PANK4: variants seen among roughly 807,000 people sequenced by gnomAD.
PANK4 encodes 4'-phosphopantetheine phosphatase.
Under a neutral mutation model 87.9 loss-of-function variants are expected in PANK4, and 40 were observed. The observed-to-expected ratio is 0.46, with a 90% confidence interval of 0.35 to 0.59. The LOEUF (loss-of-function observed/expected upper bound fraction) is 0.59, where lower values mean the gene tolerates loss of function less well. Among genes scored for constraint, PANK4 ranks in the 20% least tolerant of loss-of-function variants. The pLI, the probability that PANK4 is intolerant of heterozygous loss-of-function variation, is 0.00. For missense variants in PANK4, 926 were observed against 1,072.3 expected, an observed-to-expected ratio of 0.86 and a Z score of 1.90; for synonymous variants, 524 against 467.4, an observed-to-expected ratio of 1.12 and a Z score of -1.56.
rs891661782 is a variant in PANK4 at position 2,513,141 on chromosome 1, C to T, written c.1576-102G>A. The T allele has an allele frequency of 1.5e-5, 20 of 1,326,472 alleles. No individual in the cohort carries two copies. The South Asian group carries it at 1.7e-4, about 11-fold the overall frequency. 82.2% of individuals were successfully genotyped at this position (1,326,472 alleles called of 1,614,324 possible). ...TGTTCCATACCACGCCCCTCAGGAT[C>T]GAAGACTCAGGCCCAACTGGGACCC... On this transcript the variant is annotated intron_variant, in intron 12 of 18. Coordinates refer to ENST00000378466, the MANE Select transcript of PANK4 (RefSeq NM_018216.4).
chr1:2,510,041 GC>G lies in PANK4; in HGVS notation c.2039+15del. The G allele has an allele frequency of 6.3e-7, 1 of 1,595,572 alleles. No homozygotes were observed. The highest frequency in any genetic ancestry group is 8.6e-7 in the Non-Finnish European group (1 of 1,168,046). ...TCCCCATCAAGGCCCCCCCAGCACT[GC>G]CCGCCAACACTCACTGCACGACAGG... On this transcript the variant is annotated intron_variant, in intron 17 of 18. Transcript: ENST00000378466. The surrounding 1 kb of genome is among the most constrained non-coding windows in gnomAD (Gnocchi z 4.9).
Position 2,508,938 on chromosome 1 carries a change from T to C in PANK4, c.2231A>G (p.Lys744Arg). The change falls in exon 19 of 19, where the codon AAG (lysine) becomes AGG (arginine). Residue 744 changes from lysine to arginine, a missense_variant. Lys to Arg is a conservative substitution (Grantham distance 26). Coordinates refer to ENST00000378466, the MANE Select transcript of PANK4 (RefSeq NM_018216.4). This position sits in a 1 kb window ranked among gnomAD's most constrained non-coding sequence, Gnocchi z 5.1. ...CCACGCGTTCTTGATGACGGCCAGC[T>C]TGAGGCTCTCGCAGCGCAGGGCTGC... ...YHAALRCESL[K>R]LAVIKNAWLA... 6.2e-7 allele frequency: 1 copy of C among 1,610,752 alleles called. No homozygotes were observed.
rs947591055 is a variant in PANK4, at chr1:2,519,485, G to A, written c.854-161C>T. 2.6e-5 allele frequency among the ~76,000 whole-genome samples: 4 copies of A among 151,476 alleles called. No homozygotes were observed. Among genetic ancestry groups the A allele is most frequent in the Non-Finnish European group, 5.9e-5 (4 of 67,882 alleles). On this transcript the variant is annotated intron_variant, in intron 6 of 18. Transcript: ENST00000378466. The surrounding 1 kb of genome is among the most constrained non-coding windows in gnomAD (Gnocchi z 8.3). ...GAGAGAGCTGAGTGGGGGAACTGGA[G>A]CCCAAGTGCGGGAGGCTGCGTGTGA...
chr1:2,521,579 G>A lies in PANK4; in HGVS notation c.207+139C>T, dbSNP rs751809948. Reference sequence around the variant, plus strand: ...TGAAGGGACACGGCGGAAGGCAGGGGAGGCTGTCCCTGCTAGAAACTCCCA... The same window carrying A: ...TGAAGGGACACGGCGGAAGGCAGGGAAGGCTGTCCCTGCTAGAAACTCCCA... On this transcript the variant is annotated intron_variant, in intron 2 of 18. Transcript: ENST00000378466. 1.6e-4 allele frequency: 126 copies of A among 796,296 alleles called. 2 individuals carry two copies. In the Admixed American group the frequency reaches 2.1e-3, roughly 13 times the overall value. 49.3% of individuals were successfully genotyped at this position (796,296 alleles called of 1,614,324 possible). A position where few individuals can be genotyped will look rare whatever the true frequency, so the allele number is the denominator to read the frequency against.
At chr1:2,517,633 T>A (rs1343999356) in intron 9 of PANK4, among the ~76,000 whole-genome samples, 1 of 151,964 alleles carries the variant, frequency 6.6e-6, no homozygotes, top group Non-Finnish European at 1.5e-5. Flanking sequence ...AGACATGGGG[T>A]GCGTCTCCTA....
chr1:2,512,347 G>A (rs1210859912), intron 13 of PANK4: 2 of 153,926 alleles, frequency 1.3e-5, no homozygotes. Flanking sequence ...AAAAAGCAGG[G>A]ACCACGAGAG....
At chr1:2,518,708 G>GAGGC (rs1241801821) in intron 7 of PANK4, 111 bp from the exon 8 acceptor site, 1 of 876,146 alleles carries the variant, frequency 1.1e-6, no homozygotes, top group Non-Finnish European at 1.8e-6. Context: ...AACCCTCGAA[G>GAGGC]AGGCGCCATG....
Position 2,510,072 on chromosome 1 carries a change from A to G in PANK4, c.2024T>C (p.Met675Thr), listed in dbSNP as rs763508124. The G allele has an allele frequency of 1.9e-6, 3 of 1,610,128 alleles. No homozygotes were observed. Among genetic ancestry groups the G allele is most frequent in the Non-Finnish European group, 1.7e-6 (2 of 1,178,672 alleles). Residue 675 changes from methionine (M) to threonine (T), a missense_variant, in exon 17 of 19, where the codon ATG becomes ACG. Physicochemically the swap from Met to Thr is moderately conservative, Grantham distance 81. Coordinates refer to ENST00000378466, the MANE Select transcript of PANK4 (RefSeq NM_018216.4). The surrounding 1 kb of genome is among the most constrained non-coding windows in gnomAD (Gnocchi z 4.9). ...SLIVAERIAG[M>T]DPVVHSALQE... The stretch of plus-strand genomic sequence containing the variant: ...CAACACTCACTGCACGACAGGGTCC[A>G]TGCCCGCAATACGCTCTGCCACGAT...
At chr1:2,517,077 T>C (rs1194348633) in intron 9 of PANK4, among the ~76,000 whole-genome samples, 1 of 152,142 alleles carries the variant, frequency 6.6e-6, no homozygotes, top group African/African-American at 2.4e-5. Flanking sequence ...ATTTGGCAAA[T>C]TATGCACACT....
At chr1:2,513,206 G>A (rs959598941) in intron 12 of PANK4, among the ~76,000 whole-genome samples, 167 bp from the exon 13 acceptor site, 3 of 152,228 alleles carry the variant, frequency 2.0e-5, no homozygotes, top group African/African-American at 7.2e-5. Flanking sequence ...AGTGGCCAGC[G>A]CACAGCTGCA....
chr1:2,509,110 C>A lies in PANK4; in HGVS notation c.2109-50G>T. 1.4e-6 allele frequency: 2 copies of A among 1,438,974 alleles called. No individual in the cohort carries two copies. The highest frequency in any genetic ancestry group is 9.5e-7 in the Non-Finnish European group (1 of 1,052,684). 89.1% of individuals were successfully genotyped at this position (1,438,974 alleles called of 1,614,324 possible). ...GACTGGGCAAGCAGACCCCAGACCCCACTTCCCATACAGTGCGGCGACCAA... is the reference window on the plus strand; with the variant it reads ...GACTGGGCAAGCAGACCCCAGACCCAACTTCCCATACAGTGCGGCGACCAA... On this transcript the variant is annotated intron_variant, in intron 18 of 18. Transcript: ENST00000378466. This position sits in a 1 kb window ranked among gnomAD's most constrained non-coding sequence, Gnocchi z 4.9.
intron 10 of PANK4, among the ~76,000 whole-genome samples, chr1:2,514,929 C>G (rs1045822665): frequency 6.6e-6 from 1 of 152,012 alleles, no homozygotes; most frequent in African/African-American, 2.4e-5. Flanking sequence ...CATCCTGTGC[C>G]GGGGACGAGG....
chr1:2,520,414 C>T lies in PANK4; in HGVS notation c.607G>A (p.Val203Met). Residue 203 changes from valine to methionine, a missense_variant and splice_region_variant, in exon 5 of 19, where the codon GTG becomes ATG. By Grantham distance (21) the Val-to-Met change is conservative. Transcript: ENST00000378466. This position sits in a 1 kb window ranked among gnomAD's most constrained non-coding sequence, Gnocchi z 6.2. ...CACTCGAACCTGTCCTCCGTCTCCA[C>T]CTGCAACAGAGCCAGGGCAGGTGTG... ...NIGSGVSIVK[V>M]ETEDRFEWVG... The T allele has an allele frequency of 1.9e-6, 3 of 1,612,572 alleles. No individual in the cohort carries two copies. Among genetic ancestry groups the T allele is most frequent in the Non-Finnish European group, 2.5e-6 (3 of 1,179,732 alleles).
rs757972768 is a variant in PANK4, at chr1:2,509,885, G to A, written c.2085C>T (p.Ser695=). Residue 695 remains serine (S), a synonymous_variant, in exon 18 of 19, where the codon TCC becomes TCT. Transcript: ENST00000378466. This position sits in a 1 kb window ranked among gnomAD's most constrained non-coding sequence, Gnocchi z 4.9. ...EERLLLVQTG[S]SSPCLDLSRL... The stretch of plus-strand genomic sequence containing the variant: ...ACCTGAGGTCGAGGCACGGGGAGCT[G>A]GAGCCCGTCTGCACCAGCAGCAGCC... The A allele has an allele frequency of 7.4e-6, 12 of 1,612,144 alleles. No homozygotes were observed. The highest frequency in any genetic ancestry group is 1.3e-5 in the African/African-American group (1 of 75,004).
intron 1 of PANK4, among the ~76,000 whole-genome samples, chr1:2,524,571 G>A (rs1173917392): frequency 6.6e-6 from 1 of 152,122 alleles, no homozygotes; most frequent in Non-Finnish European, 1.5e-5. Context: ...GAAACCCCCT[G>A]GGCTCAGCCT....
At chr1:2,521,692 C>T (rs930757337) in intron 2 of PANK4, 26 bp downstream of exon 2, 1 of 1,581,350 alleles carries the variant, frequency 6.3e-7, no homozygotes, top group East Asian at 2.2e-5. Flanking sequence ...GCTGCCCTGC[C>T]CCGGGTGGCC....
intron 2 of PANK4, 114 bp downstream of exon 2, chr1:2,521,604 A>G (rs1203256834): frequency 1.1e-6 from 1 of 897,066 alleles, no homozygotes; most frequent in Admixed American, 1.7e-5. Context: ...AGAAACTCCC[A>G]GGACACTAAA....
chr1:2,516,798 C>T (rs778781230), intron 9 of PANK4, among the ~76,000 whole-genome samples: 21 of 152,268 alleles, frequency 1.4e-4, no homozygotes, highest in South Asian at 2.1e-4. Flanking sequence ...CAGCCGGGAT[C>T]GCCTGGTGCT....
intron 8 of PANK4, 111 bp from the exon 9 acceptor site, chr1:2,518,375 T>C (rs186437608): frequency 1.0e-6 from 1 of 966,338 alleles, no homozygotes; most frequent in African/African-American, 1.6e-5. Context: ...TGTTAAAATG[T>C]TAGACATGCC....
Sources: gnomAD v4.1 joint callset for allele counts (sites outside exome capture counted in the v4.1 genomes callset) on GRCh38, gnomAD v4.1.1 for gene constraint, Gnocchi (gnomAD v3.1) non-coding constraint, MANE v1.5 for transcripts, NCBI Gene and HGNC (gene_info 2026-07-23, HGNC 2026-07-21) for gene names.